Variants in TBC1D1 observed in about 807,000 individuals in gnomAD.
TBC1D1 encodes TBC1 domain family member 1, also known as TBC1 (tre-2/USP6, BUB2, cdc16) domain family, member 1.
Under a neutral mutation model 125.6 loss-of-function variants are expected in TBC1D1, and 89 were observed. That is an observed-to-expected ratio of 0.71 (90% confidence interval 0.60 to 0.85). The LOEUF is 0.85. Among genes scored for constraint, TBC1D1 ranks in the 40% least tolerant of loss-of-function variants. TBC1D1 has a pLI of 0.00. For synonymous variants in TBC1D1, 565 were observed against 564.1 expected, an observed-to-expected ratio of 1.00 and a Z score of -0.02; for missense variants, 1,377 against 1,469.2, an observed-to-expected ratio of 0.94 and a Z score of 1.03.
chr4:37,996,482 A>G (rs2152397122), intron 2 of TBC1D1, among the ~76,000 whole-genome samples: 1 of 152,362 alleles, frequency 6.6e-6, no homozygotes, highest in South Asian at 2.1e-4. Flanking sequence ...GGGAGTGGTT[A>G]CTTGGTGAGT....
intron 12 of TBC1D1, chr4:38,060,565 C>CT: frequency 8.4e-7 from 1 of 1,191,706 alleles, no homozygotes; most frequent in South Asian, 1.3e-5. Flanking sequence ...ATTTGCTCCT[C>CT]TGAGTAAAGG....
chr4:38,033,614 G>T (rs1210671122), intron 7 of TBC1D1, among the ~76,000 whole-genome samples: 1 of 152,148 alleles, frequency 6.6e-6, no homozygotes, highest in Non-Finnish European at 1.5e-5. Context: ...TCTGTATTCT[G>T]TGGGTTGTGA....
chr4:37,959,322 A>C (rs1729525324), intron 2 of TBC1D1, among the ~76,000 whole-genome samples: 1 of 152,220 alleles, frequency 6.6e-6, no homozygotes, highest in African/African-American at 2.4e-5. Context: ...TTCTCACAAT[A>C]AAGTAAGCTG....
chr4:38,084,586 C>A (rs551511180), intron 12 of TBC1D1, among the ~76,000 whole-genome samples: 1 of 152,144 alleles, frequency 6.6e-6, no homozygotes, highest in African/African-American at 2.4e-5. Flanking sequence ...TTGAGCTGTT[C>A]GTAACAACAG....
intron 2 of TBC1D1, among the ~76,000 whole-genome samples, chr4:37,999,596 A>C (rs1452348236): frequency 1.3e-5 from 2 of 152,064 alleles, no homozygotes; most frequent in Admixed American, 1.3e-4. Context: ...AGGACCTGGG[A>C]GAGCAGGCCT....
intron 15 of TBC1D1, chr4:38,112,062 A>G (rs1445138826): frequency 1.0e-6 from 1 of 985,332 alleles, no homozygotes; most frequent in African/African-American, 1.7e-5. Flanking sequence ...AATCAATGAC[A>G]GTTTCTGAAA....
At chr4:38,089,735 A>G (rs962397353) in intron 12 of TBC1D1, among the ~76,000 whole-genome samples, 197 bp from the exon 15 acceptor site, 3 of 152,270 alleles carry the variant, frequency 2.0e-5, no homozygotes, top group Non-Finnish European at 4.4e-5. Flanking sequence ...AGTTTTGCTT[A>G]CTATTTGACA....
intron 12 of TBC1D1, among the ~76,000 whole-genome samples, chr4:38,073,935 C>G (rs1023087856): frequency 6.6e-6 from 1 of 152,186 alleles, no homozygotes; most frequent in African/African-American, 2.4e-5. Context: ...ACTTTTAAGA[C>G]AACCAAAAGG....
intron 2 of TBC1D1, among the ~76,000 whole-genome samples, chr4:37,985,495 T>C (rs910722584): frequency 7.2e-5 from 11 of 152,234 alleles, no homozygotes; most frequent in Non-Finnish European, 1.3e-4. Context: ...CTCTGTTCTT[T>C]TACATTGGTT....
intron 12 of TBC1D1, among the ~76,000 whole-genome samples, chr4:38,070,277 T>G (rs941454281): frequency 9.9e-5 from 15 of 152,242 alleles, no homozygotes; most frequent in African/African-American, 3.6e-4. Flanking sequence ...GATCAACATT[T>G]GATTAATATA....
At chr4:37,955,639 C>T (rs1435197836) in intron 2 of TBC1D1, among the ~76,000 whole-genome samples, 1 of 152,140 alleles carries the variant, frequency 6.6e-6, no homozygotes, top group East Asian at 1.9e-4. Context: ...GTTGAATCCA[C>T]AGATGCGAAA....
chr4:38,085,269 G>A (rs1392944208), intron 12 of TBC1D1, among the ~76,000 whole-genome samples: 1 of 152,170 alleles, frequency 6.6e-6, no homozygotes, highest in African/African-American at 2.4e-5. Context: ...CCTGAATTAT[G>A]ACTGGTTTTA....
chr4:38,020,527 T>A (rs897881145), intron 4 of TBC1D1, 64 bp from the exon 5 acceptor site: 1 of 1,287,626 alleles, frequency 7.8e-7, no homozygotes, highest in African/African-American at 1.5e-5. Flanking sequence ...AATCTTGAGG[T>A]GCATTTCTGA....
intron 12 of TBC1D1, among the ~76,000 whole-genome samples, chr4:38,058,886 G>A (rs1354288462): frequency 6.6e-6 from 1 of 152,160 alleles, no homozygotes; most frequent in Non-Finnish European, 1.5e-5. Context: ...GGTGTTAAGT[G>A]AGTAAGGAGT....
chr4:38,126,223 A>G (rs1764627233), intron 18 of TBC1D1, among the ~76,000 whole-genome samples: 1 of 152,224 alleles, frequency 6.6e-6, no homozygotes, highest in Non-Finnish European at 1.5e-5. Context: ...AAGGTACAAT[A>G]AAAATATGGT....
intron 15 of TBC1D1, among the ~76,000 whole-genome samples, chr4:38,106,248 G>A (rs1328213426): frequency 1.3e-5 from 2 of 152,152 alleles, no homozygotes; most frequent in African/African-American, 2.4e-5. Flanking sequence ...CTGGGAAGGT[G>A]GCCTGCACCC....
At chr4:38,020,051 A>T (rs1743668946) in intron 4 of TBC1D1, among the ~76,000 whole-genome samples, 1 of 151,804 alleles carries the variant, frequency 6.6e-6, no homozygotes, top group Admixed American at 6.6e-5. Context: ...CTAAAACTTG[A>T]ATTTTCAGAT....
intron 14 of TBC1D1, among the ~76,000 whole-genome samples, chr4:38,102,742 A>G (rs1760594900): frequency 6.6e-6 from 1 of 151,996 alleles, no homozygotes; most frequent in Non-Finnish European, 1.5e-5. Context: ...TTAGCCAGGC[A>G]TGGTGGTGGG....
chr4:38,035,223 C>T (rs1746980073), intron 7 of TBC1D1, among the ~76,000 whole-genome samples: 2 of 152,298 alleles, frequency 1.3e-5, no homozygotes, highest in South Asian at 4.1e-4. Context: ...TGCCCGTTCC[C>T]TAAGAGTTTG....
Sources: gnomAD v4.1 joint callset for allele counts (sites outside exome capture counted in the v4.1 genomes callset) on GRCh38, gnomAD v4.1.1 for gene constraint, MANE v1.5 for transcripts, NCBI Gene and HGNC (gene_info 2026-07-23, HGNC 2026-07-21) for gene names.